Variants in AGBL2 observed in about 807,000 individuals in gnomAD.
AGBL2 encodes the protein AGBL carboxypeptidase 2, also known as cytosolic carboxypeptidase 2.
AGBL2 carries 87 observed loss-of-function variants against 103.0 expected under a neutral mutation model. That is an observed-to-expected ratio of 0.84 (90% confidence interval 0.71 to 1.01). The LOEUF is 1.01. AGBL2 is among the 50% of genes least tolerant of loss of function. The probability of loss-of-function intolerance (pLI) is 0.00; values close to 1 mark genes in which losing one functional copy is unlikely to be tolerated. For missense variants in AGBL2, 904 were observed against 1,023.5 expected, an observed-to-expected ratio of 0.88 and a Z score of 1.59; for synonymous variants, 335 against 356.7, an observed-to-expected ratio of 0.94 and a Z score of 0.69.
At position 47,663,079 on chromosome 11, in the gene AGBL2, G is replaced by A; in HGVS notation, c.2482C>T (p.Leu828=). 6.3e-7 allele frequency: 1 copy of A among 1,596,522 alleles called. No homozygotes were observed. The highest frequency in any genetic ancestry group is 8.5e-7 in the Non-Finnish European group (1 of 1,175,744). The change falls in exon 18 of 19, where the codon CTG becomes TTG. Residue 828 remains leucine, a synonymous_variant. Coordinates refer to ENST00000525123, the MANE Select transcript of AGBL2 (RefSeq NM_024783.4). The stretch of plus-strand genomic sequence containing the variant: ...ATCAGGGTGGCCATTGATGGGTCCA[G>A]GGGGGTGTCTTTGTCTCTTCTATTT... The part of the protein sequence containing the change: ...NLNRRDKDTP[L]DPSMATLILP...
intron 4 of AGBL2, among the ~76,000 whole-genome samples, chr11:47,708,188 C>T (rs1429015911): frequency 6.6e-6 from 1 of 152,066 alleles, no homozygotes; most frequent in Non-Finnish European, 1.5e-5. Context: ...CTGCCTCAGC[C>T]TCCTGAGTAG....
Position 47,681,131 on chromosome 11 carries a change from G to A in AGBL2, c.1915+838C>T, listed in dbSNP as rs892634485. Among the ~76,000 whole-genome samples, 20 of 151,690 alleles carry A rather than the reference G, an allele frequency of 1.3e-4. No homozygotes were observed. In the Admixed American group the frequency reaches 1.3e-3, roughly 10 times the overall value. On this transcript the variant is annotated intron_variant, in intron 12 of 18. Transcript: ENST00000525123. ...GATTGCTTGAGCCAGGGAGTTTGAG[G>A]CCAGCTTGAGCAACATAAGGAGACC...
rs2097546166 is a variant in AGBL2, at chr11:47,715,236, A to T, written c.-162T>A. On this transcript the variant is annotated 5_prime_UTR_variant, in exon 1 of 19. Coordinates refer to ENST00000525123, the MANE Select transcript of AGBL2 (RefSeq NM_024783.4). ...CCCCGGCCCGTCCCAAGCAGCACGG[A>T]TGGCTGCGGCAGAGAAGCTCCAGCG... The T allele has an allele frequency of 6.5e-6, 1 of 154,978 alleles. No individual in the cohort carries two copies. 9.6% of individuals were successfully genotyped at this position (154,978 alleles called of 1,614,324 possible).
chr11:47,685,427 CTT>C (rs953575689), intron 11 of AGBL2, among the ~76,000 whole-genome samples: 1 of 144,066 alleles, frequency 6.9e-6, no homozygotes. Flanking sequence ...CACAGCAATT[CTT>C]TTTTTTTTTG....
At chr11:47,693,671 T>C (rs1410476406) in intron 8 of AGBL2, among the ~76,000 whole-genome samples, 1 of 152,222 alleles carries the variant, frequency 6.6e-6, no homozygotes, top group African/African-American at 2.4e-5. Context: ...AATTTTGTAC[T>C]TCTTTTTTTG....
Position 47,714,682 on chromosome 11 carries a change from C to G in AGBL2, c.-32G>C. On this transcript the variant is annotated 5_prime_UTR_variant, in exon 2 of 19. Coordinates refer to ENST00000525123, the MANE Select transcript of AGBL2 (RefSeq NM_024783.4). ...TCTGGATGGTAGGCTGAAAACTAGT[C>G]AGTGACATTAGCATCCAGTCGCAAA... The G allele has an allele frequency of 6.2e-7, 1 of 1,611,878 alleles. No individual in the cohort carries two copies. The highest frequency in any genetic ancestry group is 1.1e-5 in the South Asian group (1 of 90,996).
intron 17 of AGBL2, among the ~76,000 whole-genome samples, chr11:47,663,916 G>T (rs147925324): frequency 1.9e-3 from 286 of 151,544 alleles, no homozygotes; most frequent in Middle Eastern, 0.014. Flanking sequence ...TTGCAATGGC[G>T]CAATCTTGGC....
chr11:47,713,880 T>C (rs1049895772), intron 3 of AGBL2, among the ~76,000 whole-genome samples: 1 of 151,994 alleles, frequency 6.6e-6, no homozygotes, highest in Admixed American at 6.6e-5. Flanking sequence ...TGAGCCACCG[T>C]GCCCGGCCGC....
In AGBL2 at chr11:47,660,163, C is replaced by T. The variant is rs760752058; in HGVS notation, c.*10G>A. On this transcript the variant is annotated 3_prime_UTR_variant, in exon 19 of 19. Transcript: ENST00000525123. Reference sequence around the variant, plus strand: ...CGATGAAGTGCTTGTGTGGCACAGCCCAGGCTCACCTACGGGTATGTGTAT... The same window carrying T: ...CGATGAAGTGCTTGTGTGGCACAGCTCAGGCTCACCTACGGGTATGTGTAT... 2 of 1,604,100 alleles carry T rather than the reference C, an allele frequency of 1.2e-6. No individual in the cohort carries two copies. The highest frequency in any genetic ancestry group is 1.3e-5 in the African/African-American group (1 of 74,630).
At chr11:47,671,343 C>T (rs2097356770) in intron 14 of AGBL2, among the ~76,000 whole-genome samples, 2 of 151,880 alleles carry the variant, frequency 1.3e-5, no homozygotes, top group Non-Finnish European at 2.9e-5. Context: ...TGTGAAACTC[C>T]ATCTCTACTA....
intron 8 of AGBL2, 103 bp from the exon 9 acceptor site, chr11:47,692,359 C>A (rs2097450811): frequency 4.6e-5 from 21 of 452,604 alleles, no homozygotes; most frequent in Middle Eastern, 4.6e-4. Context: ...TCTAGACCAA[C>A]AATGAAATTT....
chr11:47,684,981 C>A (rs937408123), intron 11 of AGBL2, among the ~76,000 whole-genome samples: 3 of 152,068 alleles, frequency 2.0e-5, no homozygotes. Context: ...CCGGGGCAGG[C>A]GGATCACTTG....
chr11:47,672,755 C>T (rs781361210), intron 14 of AGBL2, among the ~76,000 whole-genome samples: 6 of 152,038 alleles, frequency 3.9e-5, no homozygotes, highest in Non-Finnish European at 7.4e-5. Context: ...GTTTAAGGTC[C>T]CCAAAGAAAT....
At chr11:47,670,264 T>A (rs938640295) in intron 14 of AGBL2, among the ~76,000 whole-genome samples, 3 of 152,222 alleles carry the variant, frequency 2.0e-5, no homozygotes, top group Admixed American at 2.0e-4. Flanking sequence ...TATAAACATA[T>A]GCATTTAATA....
intron 13 of AGBL2, among the ~76,000 whole-genome samples, chr11:47,678,025 G>A (rs933362142): frequency 6.6e-6 from 1 of 150,592 alleles, no homozygotes. Flanking sequence ...GTACAGTGGC[G>A]TGATCTTGGC....
chr11:47,692,531 C>T lies in AGBL2; in HGVS notation c.695-275G>A, dbSNP rs2097451776. On this transcript the variant is annotated intron_variant, in intron 8 of 18. Transcript: ENST00000525123. ...GGTTCATGCCATTGTCCTGCCTCAG[C>T]CTCCCGAGTAGCTGGGACTACAGGC... Among the ~76,000 whole-genome samples the T allele has an allele frequency of 2.0e-5, 3 of 150,284 alleles. No homozygotes were observed. The Admixed American group carries it at 2.0e-4, about 10-fold the overall frequency.
At chr11:47,707,104 C>T (rs2097523408) in intron 4 of AGBL2, among the ~76,000 whole-genome samples, 1 of 151,022 alleles carries the variant, frequency 6.6e-6, no homozygotes, top group Non-Finnish European at 1.5e-5. Context: ...GAGGCTGAGG[C>T]AGGAGAATTG....
intron 8 of AGBL2, among the ~76,000 whole-genome samples, chr11:47,695,753 C>G (rs1360643044): frequency 6.6e-6 from 1 of 150,632 alleles, no homozygotes; most frequent in Non-Finnish European, 1.5e-5. Context: ...CCAGCCTGGG[C>G]GACAGAGGAA....
chr11:47,670,445 A>G (rs1470062625), intron 14 of AGBL2, among the ~76,000 whole-genome samples: 1 of 152,074 alleles, frequency 6.6e-6, no homozygotes, highest in Non-Finnish European at 1.5e-5. Context: ...AGATTGTGCC[A>G]CTGCACTCCA....
Sources: allele counts gnomAD v4.1 joint callset (sites outside exome capture counted in the v4.1 genomes callset), GRCh38; gene constraint gnomAD v4.1.1; transcripts MANE v1.5; gene names NCBI Gene and HGNC (gene_info 2026-07-23, HGNC 2026-07-21).